LTBP1: variants seen among roughly 807,000 people sequenced by gnomAD.
The protein encoded by LTBP1 is latent transforming growth factor beta binding protein 1, also known as latent-transforming growth factor beta-binding protein 1.
LTBP1 carries 129 observed loss-of-function variants against 207.6 expected under a neutral mutation model. The ratio of observed to expected loss-of-function variants is 0.62; its 90% CI spans 0.54 to 0.72. The LOEUF is 0.72. Among genes scored for constraint, LTBP1 ranks in the 30% least tolerant of loss-of-function variants. LTBP1 has a pLI of 0.00. For missense variants in LTBP1, 2,281 were observed against 2,217.2 expected, an observed-to-expected ratio of 1.03 and a Z score of -0.58; for synonymous variants, 963 against 833.7, an observed-to-expected ratio of 1.16 and a Z score of -2.67.
intron 22 of LTBP1, among the ~76,000 whole-genome samples, chr2:33,304,089 C>T (rs567105603): frequency 6.6e-6 from 1 of 152,306 alleles, no homozygotes; most frequent in African/African-American, 2.4e-5. Context: ...AAAAGTCAAA[C>T]AAAAGCTTTT....
At chr2:33,142,105 G>T (rs1572830956) in intron 5 of LTBP1, among the ~76,000 whole-genome samples, 1 of 152,210 alleles carries the variant, frequency 6.6e-6, no homozygotes, top group Non-Finnish European at 1.5e-5. Flanking sequence ...AGGCTGGAGT[G>T]CAGTGGCGGG....
rs145778857 is a variant in LTBP1 at position 33,369,328 on chromosome 2, G to A, written c.4711+3825G>A. On this transcript the variant is annotated intron_variant, in intron 31 of 33. Coordinates refer to ENST00000404816, the MANE Select transcript of LTBP1 (RefSeq NM_206943.4). Reference sequence around the variant, plus strand: ...AACCAAAATCAGTGCTTTCCAATCCGTTACTTTTTAAAAAACAATGGTAGT... The same window carrying A: ...AACCAAAATCAGTGCTTTCCAATCCATTACTTTTTAAAAAACAATGGTAGT... 1.9e-3 allele frequency among the ~76,000 whole-genome samples: 289 copies of A among 152,174 alleles called. 1 individual carries two copies. The highest frequency in any genetic ancestry group is 2.9e-3 in the Non-Finnish European group (196 of 67,986).
intron 5 of LTBP1, among the ~76,000 whole-genome samples, chr2:33,162,044 A>G (rs576748788): frequency 3.2e-4 from 49 of 152,312 alleles, no homozygotes; most frequent in Non-Finnish European, 6.0e-4. Context: ...ACACTCATCA[A>G]TTTTAGAATA....
chr2:33,280,578 A>G (rs2093540084), intron 19 of LTBP1, among the ~76,000 whole-genome samples: 1 of 152,246 alleles, frequency 6.6e-6, no homozygotes, highest in Admixed American at 6.5e-5. Context: ...TGAGGAAGAC[A>G]GAGTAATGTA....
At chr2:33,314,805 A>C (rs1299196913) in intron 23 of LTBP1, among the ~76,000 whole-genome samples, 2 of 152,232 alleles carry the variant, frequency 1.3e-5, no homozygotes, top group African/African-American at 2.4e-5. Context: ...AGGGCAAAGA[A>C]GGACAGCATT....
intron 15 of LTBP1, among the ~76,000 whole-genome samples, chr2:33,269,965 CTT>C (rs35142617): frequency 0.064 from 8,325 of 129,742 alleles, 238 homozygotes; most frequent in Middle Eastern, 0.12. Context: ...TGATATTCAA[CTT>C]TTTTTTTTTT....
chr2:33,200,030 C>T (rs1384195287), intron 7 of LTBP1, among the ~76,000 whole-genome samples: 8 of 152,020 alleles, frequency 5.3e-5, no homozygotes, highest in Non-Finnish European at 7.4e-5. Context: ...GAATCAATAT[C>T]GTGAAAATGG....
intron 2 of LTBP1, among the ~76,000 whole-genome samples, chr2:33,000,095 A>G (rs1685879977): frequency 7.4e-6 from 1 of 134,424 alleles, no homozygotes; most frequent in Non-Finnish European, 1.6e-5. Flanking sequence ...TTCTTATGTG[A>G]AAGTCTAGGG....
Position 32,946,963 on chromosome 2 carries a change from G to T in LTBP1, c.-362G>T. On this transcript the variant is annotated 5_prime_UTR_variant, in exon 1 of 34. Coordinates refer to ENST00000404816, the MANE Select transcript of LTBP1 (RefSeq NM_206943.4). ...CGCCGGGGCTGCCTCGGAGTGTCCC[G>T]CGCGCTCTCGCTCGCTCTCGGCCAC... The T allele has an allele frequency of 5.6e-6, 1 of 179,968 alleles. No homozygotes were observed. Among genetic ancestry groups the T allele is most frequent in the Admixed American group, 6.2e-5 (1 of 16,040 alleles). The allele number at this position is 179,968 out of a possible 1,614,324, so 11.1% of individuals were successfully genotyped here.
intron 25 of LTBP1, among the ~76,000 whole-genome samples, chr2:33,346,960 C>CA (rs1368662970): frequency 6.6e-6 from 1 of 151,724 alleles, no homozygotes; most frequent in Non-Finnish European, 1.5e-5. Context: ...ACTTAAAATA[C>CA]AAAACAAATT....
chr2:33,000,315 A>G (rs895129831), intron 2 of LTBP1, among the ~76,000 whole-genome samples: 4 of 134,670 alleles, frequency 3.0e-5, no homozygotes, highest in Non-Finnish European at 4.9e-5. Flanking sequence ...TATATGGCAG[A>G]TGCACCTGAA....
chr2:33,365,541 G>C lies in LTBP1; in HGVS notation c.4711+38G>C, dbSNP rs114137007. On this transcript the variant is annotated intron_variant, in intron 31 of 33. Transcript: ENST00000404816. ...CCAATTCCTTCTGCAGGAGGCCTTT[G>C]GGGACAAGTTCATCTCACCTCCTTT... 5,788 of 1,597,098 alleles carry C rather than the reference G, an allele frequency of 3.6e-3. 194 individuals are homozygous for C. In the African/African-American group the frequency reaches 0.069, roughly 19 times the overall value.
At chr2:33,257,910 T>C (rs1391288702) in intron 12 of LTBP1, among the ~76,000 whole-genome samples, 1 of 152,216 alleles carries the variant, frequency 6.6e-6, no homozygotes, top group Non-Finnish European at 1.5e-5. Context: ...CATTAAGGTC[T>C]AATGGGCAGT....
At chr2:33,258,397 G>GC (rs2092919021) in intron 12 of LTBP1, among the ~76,000 whole-genome samples, 1 of 152,178 alleles carries the variant, frequency 6.6e-6, no homozygotes, top group African/African-American at 2.4e-5. Context: ...GAGATAGAGT[G>GC]CCCAGGCTAG....
intron 2 of LTBP1, among the ~76,000 whole-genome samples, chr2:33,009,078 T>A (rs771720157): frequency 3.9e-5 from 6 of 152,174 alleles, no homozygotes; most frequent in Admixed American, 1.3e-4. Context: ...TTTGGAGGGT[T>A]TGAGGCAGAG....
intron 31 of LTBP1, among the ~76,000 whole-genome samples, chr2:33,382,676 A>C (rs898699841): frequency 2.0e-5 from 3 of 152,248 alleles, no homozygotes; most frequent in African/African-American, 7.2e-5. Context: ...TAAGGCAAAG[A>C]GTACCTTAAT....
At position 33,252,203 on chromosome 2, in the gene LTBP1, A is replaced by ACTT. The variant is rs540305217; in HGVS notation, c.2000-472_2000-470dup. 1.3e-4 allele frequency among the ~76,000 whole-genome samples: 20 copies of ACTT among 152,236 alleles called. 1 individual carries two copies. The South Asian group carries it at 3.5e-3, about 27-fold the overall frequency. ...GACCTGATGGGCCCTGCAAGCTCTTACTTCCCTGGGATGAGAAGAGCAGAG... is the reference window on the plus strand; with the variant it reads ...GACCTGATGGGCCCTGCAAGCTCTTACTTCTTCCCTGGGATGAGAAGAGCAGAG... On this transcript the variant is annotated intron_variant, in intron 10 of 33. Transcript: ENST00000404816.
At chr2:33,389,386 T>C in intron 32 of LTBP1, 80 bp downstream of exon 32, 1 of 1,569,760 alleles carries the variant, frequency 6.4e-7, no homozygotes, top group South Asian at 1.2e-5. Context: ...TAATGGCAAC[T>C]TGTTAGCAAT....
At chr2:32,949,085 C>T (rs1676713614) in intron 2 of LTBP1, 140 bp downstream of exon 2, 1 of 775,530 alleles carries the variant, frequency 1.3e-6, no homozygotes, top group Admixed American at 2.1e-5. Context: ...GGCTTCATTA[C>T]CACCTAGGAA....
Sources: allele counts gnomAD v4.1 joint callset (sites outside exome capture counted in the v4.1 genomes callset), GRCh38; gene constraint gnomAD v4.1.1; transcripts MANE v1.5; gene names NCBI Gene and HGNC (gene_info 2026-07-23, HGNC 2026-07-21).